KLHL2: variants seen among roughly 807,000 people sequenced by gnomAD.
The protein encoded by KLHL2 is kelch like family member 2, also known as kelch-like protein 2.
In KLHL2, 15 loss-of-function variants were observed where a neutral mutation model predicts 75.8. The ratio of observed to expected loss-of-function variants is 0.20; its 90% CI spans 0.13 to 0.30. KLHL2 has a LOEUF of 0.30. Among genes scored for constraint, KLHL2 ranks in the 10% least tolerant of loss-of-function variants. The pLI, the probability that KLHL2 is intolerant of heterozygous loss-of-function variation, is 1.00. For missense variants in KLHL2, 381 were observed against 741.0 expected (o/e 0.51, Z 5.64); for synonymous variants, 214 against 251.9 (o/e 0.85, Z 1.42).
chr4:165,286,628 C>T (rs1418940458), intron 5 of KLHL2, among the ~76,000 whole-genome samples: 2 of 152,164 alleles, frequency 1.3e-5, no homozygotes, highest in Non-Finnish European at 2.9e-5. Context: ...AAGAAAAAGA[C>T]TTCCAAAGAA....
chr4:165,258,354 G>A (rs1579058271), intron 4 of KLHL2, among the ~76,000 whole-genome samples: 1 of 134,648 alleles, frequency 7.4e-6, no homozygotes, highest in African/African-American at 2.8e-5. Flanking sequence ...GTACTGTATA[G>A]AAATCCAAGG....
chr4:165,232,139 A>G (rs1738942528), intron 3 of KLHL2, among the ~76,000 whole-genome samples: 1 of 152,084 alleles, frequency 6.6e-6, no homozygotes, highest in South Asian at 2.1e-4. Flanking sequence ...TCTACTGTTT[A>G]GCCAACAATT....
At position 165,279,028 on chromosome 4, in the gene KLHL2, C is replaced by T. The variant is rs1743414635; in HGVS notation, c.545-15331C>T. On this transcript the variant is annotated intron_variant, in intron 5 of 14. Coordinates refer to ENST00000226725, the MANE Select transcript of KLHL2 (RefSeq NM_007246.4). ...ATTCCAAAGAATGAATGTTGAAAAG[C>T]ATAGTCCTACTTGCATTTGTTACAT... 3.3e-6 allele frequency: 5 copies of T among 1,506,832 alleles called. No homozygotes were observed. The East Asian group carries it at 1.1e-4, about 34-fold the overall frequency. 93.3% of individuals were successfully genotyped at this position (1,506,832 alleles called of 1,614,324 possible). A position where few individuals can be genotyped will look rare whatever the true frequency, so the allele number is the denominator to read the frequency against.
At chr4:165,281,507 G>T (rs1433549222) in intron 5 of KLHL2, among the ~76,000 whole-genome samples, 2 of 152,004 alleles carry the variant, frequency 1.3e-5, no homozygotes, top group African/African-American at 4.8e-5. Flanking sequence ...AGTAGAGATA[G>T]GGGTTCACTG....
rs569180305 is a variant in KLHL2, at chr4:165,253,354, A to T, written c.382-9843A>T. 8.2e-4 allele frequency among the ~76,000 whole-genome samples: 125 copies of T among 152,278 alleles called. 1 individual carries two copies. Among genetic ancestry groups the T allele is most frequent in the Middle Eastern group, 3.4e-3 (1 of 294 alleles). Reference sequence around the variant, plus strand: ...TGGCCCCTCCTGTATACTTTAAATCATCTCTAGTTTGTGTACAATACCTAA... The same window carrying T: ...TGGCCCCTCCTGTATACTTTAAATCTTCTCTAGTTTGTGTACAATACCTAA... On this transcript the variant is annotated intron_variant, in intron 4 of 14. Coordinates refer to ENST00000226725, the MANE Select transcript of KLHL2 (RefSeq NM_007246.4).
At chr4:165,279,404 C>G in intron 5 of KLHL2, 10 of 1,591,904 alleles carry the variant, frequency 6.3e-6, no homozygotes, top group Non-Finnish European at 8.6e-6. Flanking sequence ...GTTGGAAATA[C>G]CAATATTGAG....
At chr4:165,217,159 T>C (rs1737603925) in intron 1 of KLHL2, among the ~76,000 whole-genome samples, 1 of 152,192 alleles carries the variant, frequency 6.6e-6, no homozygotes, top group Non-Finnish European at 1.5e-5. Context: ...ACATTCTTCC[T>C]TTGTTGCACC....
At chr4:165,244,191 G>A (rs1343346261) in intron 4 of KLHL2, among the ~76,000 whole-genome samples, 4 of 152,020 alleles carry the variant, frequency 2.6e-5, no homozygotes, top group African/African-American at 4.8e-5. Flanking sequence ...CCAGTAGCAC[G>A]TTGATCAAGC....
chr4:165,225,652 T>G (rs1298408938), intron 2 of KLHL2, among the ~76,000 whole-genome samples: 2 of 152,206 alleles, frequency 1.3e-5, no homozygotes, highest in East Asian at 3.8e-4. Context: ...CAGCTTCTTG[T>G]AAGCATGCAA....
In KLHL2 at chr4:165,319,193, T is replaced by TG. The variant is rs892657813; in HGVS notation, c.1753+1230dup. 1.3e-5 allele frequency among the ~76,000 whole-genome samples: 2 copies of TG among 152,178 alleles called. No homozygotes were observed. The highest frequency in any genetic ancestry group is 6.5e-5 in the Admixed American group (1 of 15,270). Reference sequence around the variant, plus strand: ...TTGTGAGTATCCACTTAAAAAGCTGTGGGGGGCTAATTACCTTTGAAAGAG... The same window carrying TG: ...TTGTGAGTATCCACTTAAAAAGCTGTGGGGGGGCTAATTACCTTTGAAAGAG... On this transcript the variant is annotated intron_variant, in intron 14 of 14. Transcript: ENST00000226725. The surrounding 1 kb of genome is among the most constrained non-coding windows in gnomAD (Gnocchi z 4.5).
chr4:165,259,767 A>C (rs1365302860), intron 4 of KLHL2, among the ~76,000 whole-genome samples: 1 of 152,180 alleles, frequency 6.6e-6, no homozygotes, highest in Non-Finnish European at 1.5e-5. Context: ...TCTGCACCTA[A>C]ATTTGGGGTT....
chr4:165,302,673 T>C (rs1232617255), intron 8 of KLHL2, among the ~76,000 whole-genome samples: 1 of 152,158 alleles, frequency 6.6e-6, no homozygotes, highest in East Asian at 1.9e-4. Flanking sequence ...TTATAAGGGC[T>C]GTCATATTTC....
At chr4:165,222,578 A>T (rs1360580238) in intron 2 of KLHL2, among the ~76,000 whole-genome samples, 1 of 152,196 alleles carries the variant, frequency 6.6e-6, no homozygotes, top group African/African-American at 2.4e-5. Context: ...GAAAGTGCCA[A>T]CAACAACAGT....
intron 4 of KLHL2, among the ~76,000 whole-genome samples, chr4:165,245,220 A>G (rs992012539): frequency 1.3e-5 from 2 of 152,070 alleles, no homozygotes; most frequent in Non-Finnish European, 2.9e-5. Flanking sequence ...AATAACAACA[A>G]CAAAAAAAAC....
chr4:165,258,739 A>G (rs1169410809), intron 4 of KLHL2, among the ~76,000 whole-genome samples: 2 of 152,238 alleles, frequency 1.3e-5, no homozygotes, highest in African/African-American at 4.8e-5. Flanking sequence ...CAATGTATCT[A>G]CTTCAGTAGA....
intron 13 of KLHL2, 82 bp downstream of exon 13, chr4:165,314,248 A>G (rs989353079): frequency 1.1e-5 from 14 of 1,278,234 alleles, no homozygotes; most frequent in Admixed American, 7.9e-5. Flanking sequence ...ATGAATATCA[A>G]TGGTATTTCC....
chr4:165,232,229 C>T (rs1738948983), intron 3 of KLHL2, among the ~76,000 whole-genome samples: 1 of 151,806 alleles, frequency 6.6e-6, no homozygotes. Flanking sequence ...TGAGACCATC[C>T]TGGCTAACAT....
At chr4:165,267,911 T>G (rs538152380) in intron 5 of KLHL2, among the ~76,000 whole-genome samples, 15 of 152,262 alleles carry the variant, frequency 9.9e-5, no homozygotes, top group Admixed American at 2.6e-4. Flanking sequence ...TGTACCTCTG[T>G]TAGAATTTGG....
intron 5 of KLHL2, among the ~76,000 whole-genome samples, chr4:165,270,668 T>C (rs983544318): frequency 5.3e-5 from 8 of 152,150 alleles, no homozygotes; most frequent in African/African-American, 7.2e-5. Context: ...ACAGCAGATA[T>C]TGCTGCCTGA....
Sources: allele counts gnomAD v4.1 joint callset (sites outside exome capture counted in the v4.1 genomes callset), GRCh38; gene constraint gnomAD v4.1.1; non-coding constraint Gnocchi (gnomAD v3.1); transcripts MANE v1.5; gene names NCBI Gene and HGNC (gene_info 2026-07-23, HGNC 2026-07-21).